Variants in CCDC73 observed in about 807,000 individuals in gnomAD.
CCDC73 encodes the protein coiled-coil domain-containing protein 73.
CCDC73 carries 95 observed loss-of-function variants against 116.5 expected under a neutral mutation model. The observed-to-expected ratio is 0.82, with a 90% CI of 0.69 to 0.97. The LOEUF is 0.97. Ranked by LOEUF, CCDC73 falls within the 50% of genes least tolerant of loss-of-function variation. The pLI, the probability that CCDC73 is intolerant of heterozygous loss-of-function variation, is 0.00. For synonymous variants in CCDC73, 398 were observed against 401.3 expected (o/e 0.99, Z 0.10); for missense variants, 1,066 against 1,206.8 (o/e 0.88, Z 1.73).
the CCDC73 span, among the ~76,000 whole-genome samples, chr11:32,807,830 A>G: frequency 6.6e-6 from 1 of 152,194 alleles, no homozygotes; most frequent in African/African-American, 2.4e-5. Context: ...GCTGTATTAC[A>G]ATAAAACTTA....
intron 14 of CCDC73, among the ~76,000 whole-genome samples, chr11:32,619,013 T>A (rs770375535): frequency 6.4e-4 from 98 of 152,352 alleles, no homozygotes; most frequent in Middle Eastern, 6.8e-3. Context: ...TTTTGTCCAC[T>A]TTTTAAATAG....
At chr11:32,809,131 TAA>T in the CCDC73 span, among the ~76,000 whole-genome samples, 131 of 152,346 alleles carry the variant, frequency 8.6e-4, no homozygotes, top group African/African-American at 2.9e-3. Flanking sequence ...CGTTTAAATG[TAA>T]TGCAAAACTT....
chr11:32,821,655 T>C, the CCDC73 span, among the ~76,000 whole-genome samples: 1 of 152,162 alleles, frequency 6.6e-6, no homozygotes, highest in Non-Finnish European at 1.5e-5. Flanking sequence ...AACAAAAGAA[T>C]CTCTTCATAA....
intron 9 of CCDC73, among the ~76,000 whole-genome samples, chr11:32,661,509 T>A (rs1855926178): frequency 6.9e-6 from 1 of 145,928 alleles, no homozygotes; most frequent in Admixed American, 7.0e-5. Flanking sequence ...GTCCAAGTGT[T>A]CTCATTGTTC....
At chr11:32,631,600 AG>A (rs202027220) in intron 14 of CCDC73, among the ~76,000 whole-genome samples, 37 of 151,342 alleles carry the variant, frequency 2.4e-4, no homozygotes, top group African/African-American at 8.7e-4. Context: ...AAGGAAAGGA[AG>A]GAAAGGAAGG....
intron 1 of CCDC73, among the ~76,000 whole-genome samples, chr11:32,784,937 G>A (rs1432854864): frequency 6.6e-6 from 1 of 152,222 alleles, no homozygotes; most frequent in Non-Finnish European, 1.5e-5. Context: ...ACTTTGGGAT[G>A]CCAAGGCAGG....
chr11:32,820,527 T>A, the CCDC73 span, among the ~76,000 whole-genome samples: 1 of 152,166 alleles, frequency 6.6e-6, no homozygotes, highest in Non-Finnish European at 1.5e-5. Flanking sequence ...AAATATGTAA[T>A]TAGAGAATTA....
At chr11:32,828,416 A>C in the CCDC73 span, among the ~76,000 whole-genome samples, 1 of 151,666 alleles carries the variant, frequency 6.6e-6, no homozygotes, top group South Asian at 2.1e-4. Flanking sequence ...AGGCTGAGGC[A>C]GGAGAATCGC....
intron 2 of CCDC73, among the ~76,000 whole-genome samples, chr11:32,733,213 A>C (rs921224757): frequency 1.3e-5 from 2 of 152,352 alleles, no homozygotes; most frequent in Admixed American, 1.3e-4. Context: ...CAACAAGAAG[A>C]GCTAACTATC....
intron 7 of CCDC73, among the ~76,000 whole-genome samples, chr11:32,678,321 G>C (rs1312872766): frequency 6.6e-6 from 1 of 152,118 alleles, no homozygotes; most frequent in East Asian, 1.9e-4. Context: ...AGGTAGTAGA[G>C]CACAGTGGTC....
intron 17 of CCDC73, chr11:32,604,332 A>AAG (rs1855317578): frequency 6.6e-6 from 1 of 152,124 alleles, no homozygotes; most frequent in Admixed American, 6.5e-5. Context: ...GGTCTCTCTT[A>AAG]ACTCTTGGGC....
At chr11:32,631,572 CAGGAAAGGAAGGAAAGGA>C (rs201669330) in intron 14 of CCDC73, among the ~76,000 whole-genome samples, 31 of 143,708 alleles carry the variant, frequency 2.2e-4, no homozygotes, top group South Asian at 2.2e-4. Flanking sequence ...GAAACCTCAT[CAGGAAAGGAAGGAAAGGA>C]AGGAAAGGAA....
chr11:32,674,766 GAAGA>G (rs1856070544), intron 9 of CCDC73, among the ~76,000 whole-genome samples: 1 of 152,156 alleles, frequency 6.6e-6, no homozygotes, highest in African/African-American at 2.4e-5. Context: ...CCTATGGTCA[GAAGA>G]AAGAAATATG....
chr11:32,615,295 C>T (rs1001351153), intron 15 of CCDC73, among the ~76,000 whole-genome samples: 3 of 152,076 alleles, frequency 2.0e-5, no homozygotes, highest in Admixed American at 1.3e-4. Flanking sequence ...CACATAAATA[C>T]ATAGCTGATA....
the CCDC73 span, among the ~76,000 whole-genome samples, chr11:32,810,974 T>A: frequency 6.6e-6 from 1 of 151,706 alleles, no homozygotes; most frequent in East Asian, 1.9e-4. Context: ...CTACTAAGAA[T>A]GCAAAAATTA....
In CCDC73 at chr11:32,602,864, G is replaced by A. The variant is rs749861449; in HGVS notation, c.3187C>T (p.Pro1063Ser). 8.7e-6 allele frequency: 14 copies of A among 1,609,668 alleles called. No homozygotes were observed. The Admixed American group carries it at 1.0e-4, about 12-fold the overall frequency. The change falls in exon 18 of 18, where the codon CCA becomes TCA. Residue 1063 changes from proline to serine, a missense_variant. Physicochemically the swap from Pro to Ser is moderately conservative, Grantham distance 74. Coordinates refer to ENST00000335185, the MANE Select transcript of CCDC73 (RefSeq NM_001008391.4). ...NLLSLENDNQPKKRKAEETLE... is the reference protein window; with the variant it reads ...NLLSLENDNQSKKRKAEETLE... Reference sequence around the variant, plus strand: ...GTCTCTTCTGCTTTTCTTTTCTTTGGCTGGTTGTCATTTTCTAAACTTAGT... The same window carrying A: ...GTCTCTTCTGCTTTTCTTTTCTTTGACTGGTTGTCATTTTCTAAACTTAGT...
At chr11:32,798,895 TTTTG>T (rs1233448263), upstream of CCDC73, among the ~76,000 whole-genome samples, 6 of 137,134 alleles carry the variant, frequency 4.4e-5, no homozygotes, top group South Asian at 2.5e-4. Flanking sequence ...GTTTTTGCGT[TTTTG>T]TTTGTTTGTT....
At chr11:32,681,866 A>G (rs768654585) in intron 7 of CCDC73, 2 of 151,934 alleles carry the variant, frequency 1.3e-5, no homozygotes, top group Non-Finnish European at 1.5e-5. Flanking sequence ...GAATGCTTAG[A>G]AAAAGGGGTA....
intron 3 of CCDC73, among the ~76,000 whole-genome samples, chr11:32,717,678 T>C (rs1029772867): frequency 2.0e-5 from 3 of 152,236 alleles, no homozygotes; most frequent in Non-Finnish European, 2.9e-5. Flanking sequence ...TAAATACTAA[T>C]CTGAGAGAAA....
Sources: gnomAD v4.1 joint callset for allele counts (sites outside exome capture counted in the v4.1 genomes callset) on GRCh38, gnomAD v4.1.1 for gene constraint, MANE v1.5 for transcripts, NCBI Gene and HGNC (gene_info 2026-07-23, HGNC 2026-07-21) for gene names.